IL10RB: variants seen among roughly 807,000 people sequenced by gnomAD.
IL10RB encodes the protein interleukin-10 receptor subunit beta.
Under a neutral mutation model 38.7 loss-of-function variants are expected in IL10RB, and 30 were observed. The observed-to-expected ratio is 0.78, with a 90% CI of 0.58 to 1.05. The LOEUF (loss-of-function observed/expected upper bound fraction) is 1.05, where lower values mean the gene tolerates loss of function less well. IL10RB is among the 50% of genes least tolerant of loss of function. The probability of loss-of-function intolerance (pLI) is 0.00; values close to 1 mark genes in which losing one functional copy is unlikely to be tolerated. For missense variants in IL10RB, 328 were observed against 397.1 expected (o/e 0.83, Z 1.48); for synonymous variants, 142 against 145.9 (o/e 0.97, Z 0.19).
At position 33,271,754 on chromosome 21, in the gene IL10RB, GAT is replaced by G. The variant is rs1211675751; in HGVS notation, c.173+3238_173+3239del. Among the ~76,000 whole-genome samples, 21 of 151,530 alleles carry G rather than the reference GAT, an allele frequency of 1.4e-4. No individual in the cohort carries two copies. In the East Asian group the frequency reaches 3.7e-3, roughly 27 times the overall value. ...AAAAAAAAAAAAACCTAGTGAAAAA[GAT>G]GTTATTGCAAAACAACTTTTGAAAT... On this transcript the variant is annotated intron_variant, in intron 2 of 6. Coordinates refer to ENST00000290200, the MANE Select transcript of IL10RB (RefSeq NM_000628.5).
intron 4 of IL10RB, 123 bp downstream of exon 4, chr21:33,280,041 T>C (rs1473761598): frequency 2.3e-6 from 2 of 853,362 alleles, no homozygotes; most frequent in Non-Finnish European, 4.0e-6. Flanking sequence ...ACTGAGGGGT[T>C]ACTGGTATCT....
Position 33,296,863 on chromosome 21 carries a change from G to A in IL10RB, c.*506G>A. ...CTCGAGTGCCTGAGGCAGGAGAATTGCATGAACCCGGGAGGAGGAGGAGGA... is the reference window on the plus strand; with the variant it reads ...CTCGAGTGCCTGAGGCAGGAGAATTACATGAACCCGGGAGGAGGAGGAGGA... On this transcript the variant is annotated 3_prime_UTR_variant, in exon 7 of 7. Coordinates refer to ENST00000290200, the MANE Select transcript of IL10RB (RefSeq NM_000628.5). 3.7e-6 allele frequency: 1 copy of A among 270,542 alleles called. No individual in the cohort carries two copies. The highest frequency in any genetic ancestry group is 7.2e-6 in the Non-Finnish European group (1 of 138,118). The allele number at this position is 270,542 out of a possible 1,614,324, so 16.8% of individuals were successfully genotyped here.
chr21:33,290,514 C>T (rs748933348), intron 6 of IL10RB, among the ~76,000 whole-genome samples: 6 of 152,172 alleles, frequency 3.9e-5, no homozygotes, highest in African/African-American at 1.2e-4. Context: ...CAGGGAGCAG[C>T]GGTTTCCCCA....
intron 2 of IL10RB, among the ~76,000 whole-genome samples, chr21:33,269,036 G>A (rs908303903): frequency 6.6e-6 from 1 of 152,150 alleles, no homozygotes; most frequent in African/African-American, 2.4e-5. Context: ...TGCCATGCGC[G>A]ATGCACATAA....
intron 5 of IL10RB, among the ~76,000 whole-genome samples, chr21:33,285,198 T>C (rs1185185334): frequency 1.3e-5 from 2 of 152,084 alleles, no homozygotes; most frequent in Admixed American, 6.6e-5. Context: ...GCCATCCAGT[T>C]TTAGTTATTT....
At chr21:33,267,881 G>C (rs1046043082) in intron 1 of IL10RB, 4 of 204,752 alleles carry the variant, frequency 2.0e-5, no homozygotes, top group Non-Finnish European at 4.0e-5. Context: ...TCTCTTCTTG[G>C]TGTGACCTCT....
exon 2 of IL10RB, chr21:33,310,040 C>T (rs933744056): frequency 6.6e-6 from 1 of 152,150 alleles, no homozygotes; most frequent in East Asian, 1.9e-4. Context: ...CTTGTTCTCT[C>T]CACCATATGA....
intron 3 of IL10RB, among the ~76,000 whole-genome samples, chr21:33,277,639 A>C (rs1255888477): frequency 6.8e-6 from 1 of 147,292 alleles, no homozygotes; most frequent in Admixed American, 6.7e-5. Context: ...ACTTGAGCCC[A>C]GGAATTTTCT....
At chr21:33,304,963 G>A (rs2082995317) in intron 1 of IL10RB, among the ~76,000 whole-genome samples, 1 of 152,170 alleles carries the variant, frequency 6.6e-6, no homozygotes, top group Admixed American at 6.5e-5. Flanking sequence ...AGCAAAACTG[G>A]CTGGTTAGAG....
intron 2 of IL10RB, among the ~76,000 whole-genome samples, chr21:33,270,837 A>G (rs1376793344): frequency 2.0e-5 from 3 of 151,660 alleles, no homozygotes; most frequent in Admixed American, 6.6e-5. Context: ...ACCGTGCCCA[A>G]CTGATTTTTG....
chr21:33,274,563 T>G (rs1989137036), intron 2 of IL10RB, among the ~76,000 whole-genome samples: 2 of 152,218 alleles, frequency 1.3e-5, no homozygotes, highest in South Asian at 4.1e-4. Flanking sequence ...TTAGCAGGCA[T>G]GAAAACAGCA....
chr21:33,276,617 A>G lies in IL10RB; in HGVS notation c.195A>G (p.Lys65=). The change falls in exon 3 of 7, where the codon AAA becomes AAG. Residue 65 remains lysine, a synonymous_variant. Coordinates refer to ENST00000290200, the MANE Select transcript of IL10RB (RefSeq NM_000628.5). Reference sequence around the variant, plus strand: ...GTAGTTATAGGATATTCCAAGATAAATGCATGAATACTACCTTGACGGAAT... The same window carrying G: ...GTAGTTATAGGATATTCCAAGATAAGTGCATGAATACTACCTTGACGGAAT... ...QYLSYRIFQD[K]CMNTTLTECD... is the part of the protein sequence containing the mutation. 1 of 1,613,288 alleles carries G rather than the reference A, an allele frequency of 6.2e-7. No individual in the cohort carries two copies. Among genetic ancestry groups the G allele is most frequent in the Non-Finnish European group, 8.5e-7 (1 of 1,179,236 alleles).
chr21:33,295,094 G>T (rs2850013), intron 6 of IL10RB, among the ~76,000 whole-genome samples: 1 of 152,152 alleles, frequency 6.6e-6, no homozygotes, highest in Non-Finnish European at 1.5e-5. Context: ...GGCCGGGTGC[G>T]GTGGCTCACG....
intron 4 of IL10RB, 127 bp downstream of exon 4, chr21:33,280,045 G>A: frequency 1.2e-6 from 1 of 834,514 alleles, no homozygotes; most frequent in Non-Finnish European, 2.1e-6. Context: ...AGGGGTTACT[G>A]GTATCTCTGG....
intron 6 of IL10RB, among the ~76,000 whole-genome samples, chr21:33,291,694 C>T (rs751242282): frequency 8.5e-5 from 13 of 152,218 alleles, no homozygotes; most frequent in Non-Finnish European, 1.6e-4. Flanking sequence ...CACTCCTAAA[C>T]TAAAGGTTAG....
At chr21:33,290,640 G>A (rs374873445) in intron 6 of IL10RB, among the ~76,000 whole-genome samples, 2 of 152,228 alleles carry the variant, frequency 1.3e-5, no homozygotes, top group South Asian at 4.1e-4. Flanking sequence ...GGTCTTGGGT[G>A]CATGCCAGGG....
intron 1 of IL10RB, among the ~76,000 whole-genome samples, chr21:33,267,135 A>G (rs1367955716): frequency 1.3e-5 from 2 of 152,288 alleles, no homozygotes; most frequent in Non-Finnish European, 1.5e-5. Context: ...CTAGGTTCCA[A>G]TAACACCATG....
At chr21:33,295,602 G>A (rs1315435791) in intron 6 of IL10RB, among the ~76,000 whole-genome samples, 2 of 148,532 alleles carry the variant, frequency 1.3e-5, no homozygotes, top group African/African-American at 5.0e-5. Flanking sequence ...AACCTGGGAG[G>A]CAAAGGTTGC....
intron 3 of IL10RB, 24 bp from the exon 4 acceptor site, chr21:33,279,728 C>T (rs1289262891): frequency 3.1e-6 from 5 of 1,608,286 alleles, no homozygotes; most frequent in African/African-American, 1.3e-5. Flanking sequence ...TTTTGATTGT[C>T]ATTTTGCTTG....
Sources: allele counts gnomAD v4.1 joint callset (sites outside exome capture counted in the v4.1 genomes callset), GRCh38; gene constraint gnomAD v4.1.1; transcripts MANE v1.5; gene names NCBI Gene and HGNC (gene_info 2026-07-23, HGNC 2026-07-21).